The following GINM1 variants were observed in gnomAD, a reference collection of about 807,000 sequenced individuals.
The protein encoded by GINM1 is glycoprotein integral membrane protein 1.
GINM1 carries 29 observed loss-of-function variants against 37.8 expected under a neutral mutation model. The observed-to-expected ratio is 0.77, with a 90% CI of 0.57 to 1.05. The LOEUF is 1.05. GINM1 is among the 50% of genes least tolerant of loss of function. GINM1 has a pLI of 0.00. For missense variants in GINM1, 377 were observed against 397.9 expected (o/e 0.95, Z 0.45); for synonymous variants, 143 against 146.2 (o/e 0.98, Z 0.16).
At chr6:149,583,303 A>G (rs533801967) in intron 7 of GINM1, among the ~76,000 whole-genome samples, 2 of 152,254 alleles carry the variant, frequency 1.3e-5, no homozygotes, top group South Asian at 4.1e-4. Flanking sequence ...TCTCTACTAA[A>G]AATACAAAAA....
intron 1 of GINM1, among the ~76,000 whole-genome samples, chr6:149,569,707 G>A (rs545096103): frequency 5.9e-5 from 9 of 152,228 alleles, no homozygotes; most frequent in Non-Finnish European, 1.3e-4. Context: ...AGAGGCATTC[G>A]GAGGACACTT....
intron 5 of GINM1, 66 bp downstream of exon 5, chr6:149,580,056 C>A: frequency 1.0e-6 from 1 of 987,348 alleles, no homozygotes; most frequent in Non-Finnish European, 1.5e-6. Context: ...GCTTTATATA[C>A]TCTTGAACTT....
At position 149,569,533 on chromosome 6, in the gene GINM1, T is replaced by A. The variant is rs1004481255; in HGVS notation, c.121-2752T>A. Among the ~76,000 whole-genome samples, 4 of 151,252 alleles carry A rather than the reference T, an allele frequency of 2.6e-5. No individual in the cohort carries two copies. The East Asian group carries it at 7.8e-4, about 29-fold the overall frequency. ...TTTGTATTTTTAGTAGAGACGGGGT[T>A]TCACCATGTTGGCTAGCTGGTCTCA... is the stretch of plus-strand genomic sequence containing the variant. On this transcript the variant is annotated intron_variant, in intron 1 of 7. Coordinates refer to ENST00000367419, the MANE Select transcript of GINM1 (RefSeq NM_138785.5).
At chr6:149,571,054 G>A (rs1449695164) in intron 1 of GINM1, among the ~76,000 whole-genome samples, 12 of 152,114 alleles carry the variant, frequency 7.9e-5, no homozygotes, top group African/African-American at 1.7e-4. Context: ...GGTGGCTCAC[G>A]CCTGTAATCC....
At chr6:149,581,939 C>T (rs916112164) in intron 6 of GINM1, 6 of 446,186 alleles carry the variant, frequency 1.3e-5, no homozygotes, top group African/African-American at 4.1e-5. Flanking sequence ...CCATCAGTGC[C>T]GACCTTAAGT....
chr6:149,567,595 C>G lies in GINM1; in HGVS notation c.120+1061C>G, dbSNP rs1018127314. Among the ~76,000 whole-genome samples, 4 of 152,060 alleles carry G rather than the reference C, an allele frequency of 2.6e-5. 1 individual carries two copies. Among genetic ancestry groups the G allele is most frequent in the African/African-American group, 9.7e-5 (4 of 41,400 alleles). Reference sequence around the variant, plus strand: ...GGCAGAGGTTGCAGTGAGCCGAGATCGTGCCACTGCATTCCAGCCTGGGTG... The same window carrying G: ...GGCAGAGGTTGCAGTGAGCCGAGATGGTGCCACTGCATTCCAGCCTGGGTG... On this transcript the variant is annotated intron_variant, in intron 1 of 7. Coordinates refer to ENST00000367419, the MANE Select transcript of GINM1 (RefSeq NM_138785.5).
At chr6:149,590,210 T>C (rs954609688) in intron 7 of GINM1, among the ~76,000 whole-genome samples, 4 of 152,342 alleles carry the variant, frequency 2.6e-5, no homozygotes, top group African/African-American at 9.6e-5. Context: ...GTTACTCCCC[T>C]GTGAACTTTA....
At position 149,591,409 on chromosome 6, in the gene GINM1, A is replaced by G. The variant is rs1778153545; in HGVS notation, c.*571A>G. On this transcript the variant is annotated 3_prime_UTR_variant, in exon 8 of 8. Transcript: ENST00000367419. ...GAAGAGACTTTGAAATTATCAAAAG[A>G]AAAAAAAAAGACCAGACAAAATCTC... 6.7e-6 allele frequency: 1 copy of G among 150,042 alleles called. No homozygotes were observed. 9.3% of individuals were successfully genotyped at this position (150,042 alleles called of 1,614,324 possible).
intron 3 of GINM1, chr6:149,578,048 A>G (rs924333403): frequency 6.6e-6 from 1 of 152,128 alleles, no homozygotes; most frequent in Non-Finnish European, 1.5e-5. Flanking sequence ...TGAGTCACTA[A>G]TCGGGGAAAG....
At chr6:149,579,765 T>C in intron 4 of GINM1, 69 bp from the exon 5 acceptor site, 3 of 942,092 alleles carry the variant, frequency 3.2e-6, no homozygotes, top group Non-Finnish European at 4.6e-6. Flanking sequence ...GGGAGGAAAA[T>C]TTGCTTTTAA....
At chr6:149,581,536 A>G (rs1380879386) in intron 6 of GINM1, among the ~76,000 whole-genome samples, 1 of 152,138 alleles carries the variant, frequency 6.6e-6, no homozygotes. Flanking sequence ...TATCTGTACA[A>G]TGGGGCACCC....
rs141680898 is a variant in GINM1 at position 149,570,115 on chromosome 6, T to C, written c.121-2170T>C. 1.3e-3 allele frequency among the ~76,000 whole-genome samples: 173 copies of C among 130,352 alleles called. 1 individual carries two copies. The highest frequency in any genetic ancestry group is 4.1e-3 in the African/African-American group (149 of 36,380). The allele number at this position is 130,352 out of a possible 152,430, so 85.5% of individuals were successfully genotyped here. The stretch of plus-strand genomic sequence containing the variant: ...TCTGTTAATTGTCTTTTTCAAACTC[T>C]GTAATTTTACTAGGTAGGTTTTATA... On this transcript the variant is annotated intron_variant, in intron 1 of 7. Coordinates refer to ENST00000367419, the MANE Select transcript of GINM1 (RefSeq NM_138785.5).
chr6:149,582,594 C>G lies in GINM1; in HGVS notation c.872C>G (p.Ser291Cys). The G allele has an allele frequency of 6.4e-7, 1 of 1,573,736 alleles. No homozygotes were observed. Among genetic ancestry groups the G allele is most frequent in the Non-Finnish European group, 8.6e-7 (1 of 1,165,072 alleles). Residue 291 changes from serine to cysteine, a missense_variant, in exon 7 of 8, where the codon TCT (serine) becomes TGT (cysteine). By Grantham distance (112) the Ser-to-Cys change is moderately radical. Coordinates refer to ENST00000367419, the MANE Select transcript of GINM1 (RefSeq NM_138785.5). ...ITILKVFFPV[S>C]EYKGILQLDK... Reference sequence around the variant, plus strand: ...ATCTTAAAGGTGTTTTTCCCAGTTTCTGAATACAAGTAAGTATTTCTTATT... The same window carrying G: ...ATCTTAAAGGTGTTTTTCCCAGTTTGTGAATACAAGTAAGTATTTCTTATT...
intron 5 of GINM1, among the ~76,000 whole-genome samples, 191 bp from the exon 6 acceptor site, chr6:149,580,402 A>G (rs1251339352): frequency 6.6e-6 from 1 of 152,224 alleles, no homozygotes; most frequent in Non-Finnish European, 1.5e-5. Flanking sequence ...TAACTGCTTT[A>G]GCTCCTTATA....
intron 6 of GINM1, among the ~76,000 whole-genome samples, chr6:149,581,631 A>G (rs1182102765): frequency 6.6e-6 from 1 of 152,232 alleles, no homozygotes; most frequent in Non-Finnish European, 1.5e-5. Flanking sequence ...ATAAATATGC[A>G]TTGGCACCTA....
chr6:149,583,650 A>C (rs1379979337), intron 7 of GINM1, among the ~76,000 whole-genome samples: 1 of 151,784 alleles, frequency 6.6e-6, no homozygotes, highest in African/African-American at 2.4e-5. Context: ...AAAAAGTAAA[A>C]GCAAAATAAA....
intron 3 of GINM1, 65 bp from the exon 4 acceptor site, chr6:149,578,757 T>C (rs552174202): frequency 9.1e-7 from 1 of 1,094,396 alleles, no homozygotes; most frequent in South Asian, 1.6e-5. Flanking sequence ...ATCAAAATAA[T>C]CACACTCACT....
chr6:149,567,412 C>G (rs1777738945), intron 1 of GINM1, among the ~76,000 whole-genome samples: 1 of 152,118 alleles, frequency 6.6e-6, no homozygotes, highest in Admixed American at 6.6e-5. Flanking sequence ...TATGAACACT[C>G]TAAATACAAA....
intron 6 of GINM1, 123 bp downstream of exon 6, chr6:149,580,846 C>A (rs2115060501): frequency 1.3e-6 from 1 of 769,612 alleles, no homozygotes; most frequent in Non-Finnish European, 2.1e-6. Flanking sequence ...TGATAATGGA[C>A]TCATCTTGGT....
Sources: allele counts gnomAD v4.1 joint callset (sites outside exome capture counted in the v4.1 genomes callset), GRCh38; gene constraint gnomAD v4.1.1; transcripts MANE v1.5; gene names NCBI Gene and HGNC (gene_info 2026-07-23, HGNC 2026-07-21).